NAALADL2: variants seen among roughly 807,000 people sequenced by gnomAD.
NAALADL2 encodes the protein inactive N-acetylated-alpha-linked acidic dipeptidase-like protein 2.
Under a neutral mutation model 87.2 loss-of-function variants are expected in NAALADL2, and 76 were observed. That is an observed-to-expected ratio of 0.87 (90% CI 0.72 to 1.05). The LOEUF (loss-of-function observed/expected upper bound fraction) is 1.05. Among genes scored for constraint, NAALADL2 ranks in the 50% least tolerant of loss-of-function variants. The pLI, the probability that NAALADL2 is intolerant of heterozygous loss-of-function variation, is 0.00. For missense variants in NAALADL2, 1,089 were observed against 945.8 expected (o/e 1.15, Z -1.99); for synonymous variants, 354 against 331.0 (o/e 1.07, Z -0.75).
At chr3:175,610,361 T>C (rs921626308) in intron 10 of NAALADL2, among the ~76,000 whole-genome samples, 1 of 152,154 alleles carries the variant, frequency 6.6e-6, no homozygotes, top group Non-Finnish European at 1.5e-5. Flanking sequence ...ACTGTGTTTT[T>C]TTTTACATGT....
At chr3:175,158,783 T>C (rs956425222) in intron 2 of NAALADL2, among the ~76,000 whole-genome samples, 1 of 151,878 alleles carries the variant, frequency 6.6e-6, no homozygotes, top group African/African-American at 2.4e-5. Context: ...ATAGGAGAAA[T>C]AGAGTTCTTG....
At chr3:175,488,711 G>A (rs746579427) in intron 9 of NAALADL2, among the ~76,000 whole-genome samples, 2 of 152,174 alleles carry the variant, frequency 1.3e-5, no homozygotes, top group Non-Finnish European at 2.9e-5. Context: ...CTGCTCCATA[G>A]AATTCCATTT....
At chr3:175,376,671 A>G (rs1315082262) in intron 5 of NAALADL2, among the ~76,000 whole-genome samples, 1 of 151,754 alleles carries the variant, frequency 6.6e-6, no homozygotes, top group African/African-American at 2.4e-5. Context: ...AGAGTTGGGT[A>G]TTTTTTCTAG....
intron 1 of NAALADL2, among the ~76,000 whole-genome samples, chr3:174,544,099 A>G (rs1428883270): frequency 6.6e-6 from 1 of 151,716 alleles, no homozygotes; most frequent in African/African-American, 2.4e-5. Flanking sequence ...CATTCTTCCC[A>G]CCCCAATCCA....
intron 3 of NAALADL2, among the ~76,000 whole-genome samples, chr3:174,794,845 A>G (rs924991339): frequency 1.3e-5 from 2 of 152,022 alleles, no homozygotes; most frequent in African/African-American, 4.8e-5. Context: ...ATTGCTTACT[A>G]AAAAAATCAT....
chr3:175,062,245 G>A (rs370503924), intron 1 of NAALADL2, among the ~76,000 whole-genome samples: 25 of 152,252 alleles, frequency 1.6e-4, no homozygotes, highest in African/African-American at 5.5e-4. Context: ...GTTAAACAAT[G>A]TACTTTTGCC....
intron 3 of NAALADL2, among the ~76,000 whole-genome samples, chr3:174,851,439 G>A (rs565401350): frequency 1.1e-4 from 16 of 149,886 alleles, no homozygotes; most frequent in Non-Finnish European, 2.2e-4. Context: ...CATTACAACC[G>A]ATAGCTAAGA....
chr3:175,449,584 G>A (rs192592271), intron 6 of NAALADL2, among the ~76,000 whole-genome samples: 34 of 151,194 alleles, frequency 2.2e-4, no homozygotes, highest in Non-Finnish European at 3.8e-4. Context: ...CAGTAGAGAC[G>A]GGGTCTCACC....
chr3:175,568,127 T>C (rs1454514609), intron 9 of NAALADL2, among the ~76,000 whole-genome samples: 1 of 151,904 alleles, frequency 6.6e-6, no homozygotes, highest in Non-Finnish European at 1.5e-5. Flanking sequence ...TTTTTTTTTT[T>C]ACTATTCTGG....
chr3:175,764,498 G>A (rs1480583166), intron 13 of NAALADL2, among the ~76,000 whole-genome samples: 1 of 151,666 alleles, frequency 6.6e-6, no homozygotes, highest in Non-Finnish European at 1.5e-5. Context: ...GAATGACCTT[G>A]TGGAAGCTCA....
chr3:175,439,614 T>G (rs1253162719), intron 5 of NAALADL2, among the ~76,000 whole-genome samples: 1 of 152,116 alleles, frequency 6.6e-6, no homozygotes, highest in Admixed American at 6.6e-5. Flanking sequence ...CATTTTTTCA[T>G]GTTTATTGGC....
At chr3:175,160,881 T>G (rs1733099530) in intron 2 of NAALADL2, among the ~76,000 whole-genome samples, 3 of 152,162 alleles carry the variant, frequency 2.0e-5, no homozygotes, top group Admixed American at 2.0e-4. Context: ...GAGTAATTCA[T>G]GAAATTAATA....
intron 13 of NAALADL2, 96 bp downstream of exon 13, chr3:175,755,514 T>C (rs1272082042): frequency 2.4e-6 from 2 of 846,262 alleles, no homozygotes; most frequent in African/African-American, 3.5e-5. Flanking sequence ...ATAACAGTAG[T>C]GTAAAAGAAA....
At chr3:175,716,895 G>A (rs1354574984) in intron 11 of NAALADL2, among the ~76,000 whole-genome samples, 1 of 152,074 alleles carries the variant, frequency 6.6e-6, no homozygotes, top group Non-Finnish European at 1.5e-5. Flanking sequence ...ATAGAATAAT[G>A]GATACATTTA....
chr3:174,530,949 A>G (rs566007335), intron 1 of NAALADL2, among the ~76,000 whole-genome samples: 1 of 152,370 alleles, frequency 6.6e-6, no homozygotes, highest in Admixed American at 6.5e-5. Context: ...TTATTTTGTG[A>G]AACTATGAAC....
At chr3:175,736,085 G>A (rs924551482) in intron 11 of NAALADL2, among the ~76,000 whole-genome samples, 3 of 152,174 alleles carry the variant, frequency 2.0e-5, no homozygotes, top group African/African-American at 7.2e-5. Context: ...TTATGAGAGA[G>A]AGAGAGATAA....
At chr3:175,356,234 A>G (rs548070453) in intron 5 of NAALADL2, among the ~76,000 whole-genome samples, 149 of 152,240 alleles carry the variant, frequency 9.8e-4, no homozygotes, top group African/African-American at 3.2e-3. Context: ...AGAACTCTTT[A>G]GAATGATAGA....
chr3:174,770,698 G>T (rs544280548), intron 3 of NAALADL2, among the ~76,000 whole-genome samples: 14 of 152,020 alleles, frequency 9.2e-5, no homozygotes, highest in African/African-American at 3.4e-4. Context: ...AAATTAGCTG[G>T]GCTTGGTGGT....
chr3:174,870,078 T>G (rs889646815), intron 1 of NAALADL2, among the ~76,000 whole-genome samples: 3 of 144,130 alleles, frequency 2.1e-5, no homozygotes, highest in Admixed American at 7.0e-5. Flanking sequence ...AGTTTGTGGG[T>G]GTGTGTGTGT....
Sources: allele counts gnomAD v4.1 joint callset (sites outside exome capture counted in the v4.1 genomes callset), GRCh38; gene constraint gnomAD v4.1.1; transcripts MANE v1.5; gene names NCBI Gene and HGNC (gene_info 2026-07-23, HGNC 2026-07-21).